Variants in TRIO observed in about 807,000 individuals in gnomAD.
The protein encoded by TRIO is trio Rho guanine nucleotide exchange factor, also known as triple functional domain protein.
In TRIO, 58 loss-of-function variants were observed where a neutral mutation model predicts 351.9. The observed-to-expected ratio is 0.16, with a 90% CI of 0.13 to 0.21. The LOEUF (loss-of-function observed/expected upper bound fraction) is 0.21, where lower values mean the gene tolerates loss of function less well. TRIO is among the 10% of genes least tolerant of loss of function. TRIO has a pLI of 1.00. For synonymous variants in TRIO, 1,758 were observed against 1,595.7 expected (o/e 1.10, Z -2.42); for missense variants, 3,201 against 4,027.8 (o/e 0.79, Z 5.56).
At chr5:14,347,690 G>C (rs1474191013) in intron 11 of TRIO, among the ~76,000 whole-genome samples, 3 of 152,266 alleles carry the variant, frequency 2.0e-5, no homozygotes, top group African/African-American at 2.4e-5. Context: ...GAGACTGTCA[G>C]TGCAGAGGTT....
intron 3 of TRIO, among the ~76,000 whole-genome samples, chr5:14,283,744 CT>C (rs1377407669): frequency 5.9e-5 from 9 of 151,918 alleles, no homozygotes; most frequent in African/African-American, 2.2e-4. Flanking sequence ...GGGGTCGCCC[CT>C]CCCTGCCCTT....
intron 11 of TRIO, among the ~76,000 whole-genome samples, chr5:14,347,432 G>A (rs940293045): frequency 6.6e-5 from 10 of 152,354 alleles, no homozygotes; most frequent in African/African-American, 2.4e-4. Flanking sequence ...TTAATCCCTG[G>A]TGTCACCGCC....
chr5:14,397,323 G>A, intron 29 of TRIO, 169 bp downstream of exon 29: 1 of 591,160 alleles, frequency 1.7e-6, no homozygotes, highest in Non-Finnish European at 2.9e-6. Flanking sequence ...CACATAAAAT[G>A]TTTCTATACT....
At chr5:14,406,910 G>T (rs931869142) in intron 33 of TRIO, among the ~76,000 whole-genome samples, 1 of 152,170 alleles carries the variant, frequency 6.6e-6, no homozygotes, top group Non-Finnish European at 1.5e-5. Flanking sequence ...CCCTTTGCCA[G>T]TGCCAAGGGT....
In TRIO at chr5:14,326,956, T is replaced by C. The variant is rs546892703; in HGVS notation, c.1732-3822T>C. 5.3e-5 allele frequency among the ~76,000 whole-genome samples: 8 copies of C among 152,318 alleles called. No individual in the cohort carries two copies. The South Asian group carries it at 1.7e-3, about 32-fold the overall frequency. ...TTATTATTATTTTAAAAGTGGAAAT[T>C]ATCATTGGAATTTGTACATATTCCT... On this transcript the variant is annotated intron_variant, in intron 9 of 56. Transcript: ENST00000344204.
Position 14,389,358 on chromosome 5 carries a change from A to G in TRIO, c.4018A>G (p.Ile1340Val). Residue 1340 changes from isoleucine to valine, a missense_variant, in exon 25 of 57, where the codon ATC (isoleucine) becomes GTC (valine). Coordinates refer to ENST00000344204, the MANE Select transcript of TRIO (RefSeq NM_007118.4). ...PPGIVNKELI[I>V]FGNMQEIYEF... is the part of the protein sequence containing the mutation. Reference sequence around the variant, plus strand: ...TGGCATTGTAAACAAAGAACTCATCATCTTCGGAAACATGCAAGAAATCTA... The same window carrying G: ...TGGCATTGTAAACAAAGAACTCATCGTCTTCGGAAACATGCAAGAAATCTA... 2 of 1,612,052 alleles carry G rather than the reference A, an allele frequency of 1.2e-6. No individual in the cohort carries two copies. Among genetic ancestry groups the G allele is most frequent in the Non-Finnish European group, 1.7e-6 (2 of 1,179,298 alleles).
intron 1 of TRIO, among the ~76,000 whole-genome samples, chr5:14,267,224 C>T (rs1795735697): frequency 6.6e-6 from 1 of 152,138 alleles, no homozygotes; most frequent in African/African-American, 2.4e-5. Context: ...CCAAATTTCT[C>T]TTTGTGGCAC....
intron 27 of TRIO, among the ~76,000 whole-genome samples, chr5:14,392,501 A>G (rs563212581): frequency 6.6e-6 from 1 of 152,352 alleles, no homozygotes; most frequent in Admixed American, 6.5e-5. Context: ...TAGTTCAACC[A>G]TTGTGGAAGA....
intron 4 of TRIO, among the ~76,000 whole-genome samples, chr5:14,288,626 C>T (rs910732009): frequency 2.6e-4 from 39 of 151,596 alleles, no homozygotes; most frequent in Admixed American, 3.9e-4. Context: ...GAGATTGTGC[C>T]GCTGCACTCC....
chr5:14,245,147 A>G (rs368656947), intron 1 of TRIO, among the ~76,000 whole-genome samples: 2 of 152,302 alleles, frequency 1.3e-5, no homozygotes, highest in East Asian at 1.9e-4. Context: ...TAAGGGTTTC[A>G]CTGTTCTCAA....
At chr5:14,293,779 T>G (rs1737109938) in intron 6 of TRIO, among the ~76,000 whole-genome samples, 1 of 152,156 alleles carries the variant, frequency 6.6e-6, no homozygotes, top group African/African-American at 2.4e-5. Flanking sequence ...TGAGTAGCAC[T>G]TCTGTTACAG....
At chr5:14,488,387 CCTGGGACCAGGCTAACCCTCCTGCGGG>C (rs1756204424) in intron 48 of TRIO, 127 bp downstream of exon 48, 1 of 1,394,514 alleles carries the variant, frequency 7.2e-7, no homozygotes, top group East Asian at 2.5e-5. Context: ...GCGGCCTCTA[CCTGGGACCAGGCTAACCCTCCTGCGGG>C]CCGGCCCACG....
intron 7 of TRIO, among the ~76,000 whole-genome samples, chr5:14,301,485 C>T (rs1484191991): frequency 6.6e-6 from 1 of 152,118 alleles, no homozygotes; most frequent in Non-Finnish European, 1.5e-5. Context: ...CAGTAGCCAC[C>T]TTCTGTCCTC....
intron 11 of TRIO, among the ~76,000 whole-genome samples, chr5:14,348,308 T>A (rs532958070): frequency 6.6e-6 from 1 of 152,270 alleles, no homozygotes; most frequent in Admixed American, 6.5e-5. Flanking sequence ...CAGATTACAC[T>A]GGTTATTTAT....
At chr5:14,419,552 C>T (rs1044845500) in intron 33 of TRIO, among the ~76,000 whole-genome samples, 1 of 152,088 alleles carries the variant, frequency 6.6e-6, no homozygotes, top group Non-Finnish European at 1.5e-5. Context: ...ATATATAATA[C>T]CACTTTGTGA....
At chr5:14,210,148 G>A (rs1340864002) in intron 1 of TRIO, among the ~76,000 whole-genome samples, 1 of 152,210 alleles carries the variant, frequency 6.6e-6, no homozygotes, top group Non-Finnish European at 1.5e-5. Flanking sequence ...GGCCCCTTTG[G>A]TTGAGTTTTG....
At chr5:14,383,041 T>C (rs1746251168) in intron 21 of TRIO, among the ~76,000 whole-genome samples, 1 of 152,160 alleles carries the variant, frequency 6.6e-6, no homozygotes, top group East Asian at 1.9e-4. Context: ...TCCTCAAACT[T>C]CTGAGCTCAA....
At chr5:14,400,934 C>G in intron 30 of TRIO, 29 bp from the exon 31 acceptor site, 1 of 1,604,398 alleles carries the variant, frequency 6.2e-7, no homozygotes, top group Non-Finnish European at 8.5e-7. Context: ...TTTACTGTCA[C>G]CTAATTATAT....
chr5:14,300,250 G>A (rs1002404084), intron 7 of TRIO, among the ~76,000 whole-genome samples: 1 of 152,194 alleles, frequency 6.6e-6, no homozygotes, highest in Non-Finnish European at 1.5e-5. Flanking sequence ...AAAACAAAGT[G>A]ACTTGATTTT....
Sources: allele counts gnomAD v4.1 joint callset (sites outside exome capture counted in the v4.1 genomes callset), GRCh38; gene constraint gnomAD v4.1.1; transcripts MANE v1.5; gene names NCBI Gene and HGNC (gene_info 2026-07-23, HGNC 2026-07-21).